The following EXOC6B variants were observed in gnomAD, a reference collection of about 807,000 sequenced individuals.
EXOC6B encodes the protein exocyst complex component 6B.
Under a neutral mutation model 113.5 loss-of-function variants are expected in EXOC6B, and 54 were observed. The ratio of observed to expected loss-of-function variants is 0.48; its 90% CI spans 0.38 to 0.60. EXOC6B has a LOEUF of 0.60. Ranked by LOEUF, EXOC6B falls within the 20% of genes least tolerant of loss-of-function variation. The probability of loss-of-function intolerance (pLI) is 0.00; values close to 1 mark genes in which losing one functional copy is unlikely to be tolerated. For missense variants in EXOC6B, 797 were observed against 977.5 expected (o/e 0.82, Z 2.46); for synonymous variants, 357 against 339.0 (o/e 1.05, Z -0.58).
intron 20 of EXOC6B, among the ~76,000 whole-genome samples, chr2:72,212,239 A>G (rs1680241566): frequency 6.6e-6 from 1 of 152,126 alleles, no homozygotes; most frequent in Admixed American, 6.5e-5. Context: ...AAAGGGTGTA[A>G]TGGTATCCAC....
intron 8 of EXOC6B, among the ~76,000 whole-genome samples, chr2:72,545,086 T>C (rs1702819770): frequency 6.6e-6 from 1 of 152,104 alleles, no homozygotes; most frequent in Non-Finnish European, 1.5e-5. Context: ...ATAAAATTAA[T>C]TTTTAAAATT....
At chr2:72,667,867 A>C (rs1418020766) in intron 6 of EXOC6B, among the ~76,000 whole-genome samples, 2 of 152,248 alleles carry the variant, frequency 1.3e-5, no homozygotes, top group Non-Finnish European at 1.5e-5. Context: ...ATAAAAATTG[A>C]CAAGTGTGAC....
intron 19 of EXOC6B, among the ~76,000 whole-genome samples, chr2:72,378,903 T>G (rs1050294307): frequency 6.6e-6 from 1 of 152,366 alleles, no homozygotes; most frequent in Admixed American, 6.5e-5. Context: ...GAGTCAACTA[T>G]GCCAATAATG....
chr2:72,377,005 G>C (rs1422615070), intron 19 of EXOC6B, among the ~76,000 whole-genome samples: 1 of 151,818 alleles, frequency 6.6e-6, no homozygotes, highest in African/African-American at 2.4e-5. Flanking sequence ...AAACTAAACA[G>C]CAAGAAAAAT....
At chr2:72,334,879 T>A in intron 20 of EXOC6B, 68 bp downstream of exon 20, 2 of 1,488,056 alleles carry the variant, frequency 1.3e-6, no homozygotes, top group Non-Finnish European at 1.9e-6. Flanking sequence ...CCCCTTTTCC[T>A]TAAGACCTGA....
At chr2:72,219,674 C>T (rs929111959) in intron 20 of EXOC6B, among the ~76,000 whole-genome samples, 1 of 152,130 alleles carries the variant, frequency 6.6e-6, no homozygotes, top group African/African-American at 2.4e-5. Flanking sequence ...TTTCTCTTTT[C>T]ATTTTTTTCT....
intron 6 of EXOC6B, among the ~76,000 whole-genome samples, chr2:72,652,843 A>G (rs1175594071): frequency 6.7e-6 from 1 of 149,134 alleles, no homozygotes; most frequent in Non-Finnish European, 1.5e-5. Flanking sequence ...ATATAATCAC[A>G]AAGAAAAAAG....
chr2:72,763,506 C>A (rs565436408), intron 1 of EXOC6B, among the ~76,000 whole-genome samples: 2 of 151,542 alleles, frequency 1.3e-5, no homozygotes, highest in Non-Finnish European at 2.9e-5. Context: ...TGGCTCACTG[C>A]ACACCTCCCA....
intron 1 of EXOC6B, among the ~76,000 whole-genome samples, chr2:72,780,865 T>C (rs944563082): frequency 1.3e-5 from 2 of 152,316 alleles, no homozygotes; most frequent in Admixed American, 6.5e-5. Context: ...GAGGTTGCTA[T>C]TAAGCATTAA....
chr2:72,719,287 T>C (rs1195395861), intron 5 of EXOC6B, among the ~76,000 whole-genome samples: 1 of 152,126 alleles, frequency 6.6e-6, no homozygotes, highest in Non-Finnish European at 1.5e-5. Flanking sequence ...TAAAAATAAA[T>C]AAATAAATTA....
intron 11 of EXOC6B, among the ~76,000 whole-genome samples, chr2:72,507,873 G>C (rs1217478378): frequency 6.6e-6 from 1 of 151,154 alleles, no homozygotes; most frequent in Non-Finnish European, 1.5e-5. Flanking sequence ...CTGAAGAAGA[G>C]AGGGTGCATT....
chr2:72,444,442 C>T (rs1208460308), intron 18 of EXOC6B, among the ~76,000 whole-genome samples: 1 of 152,214 alleles, frequency 6.6e-6, no homozygotes, highest in East Asian at 1.9e-4. Context: ...CCTCTCACAG[C>T]TCCACTAGGT....
intron 6 of EXOC6B, among the ~76,000 whole-genome samples, chr2:72,636,503 G>A: frequency 7.1e-6 from 1 of 140,492 alleles, no homozygotes; most frequent in Admixed American, 6.8e-5. Context: ...GGAGGAGGAG[G>A]AGGAGAGAAA....
intron 20 of EXOC6B, among the ~76,000 whole-genome samples, chr2:72,293,980 G>A (rs1466060345): frequency 6.6e-6 from 1 of 151,618 alleles, no homozygotes. Context: ...AGAAACCAGA[G>A]GAAATTAAAA....
At chr2:72,239,027 C>T (rs1193707433) in intron 20 of EXOC6B, among the ~76,000 whole-genome samples, 1 of 152,048 alleles carries the variant, frequency 6.6e-6, no homozygotes, top group Non-Finnish European at 1.5e-5. Context: ...GCCTCCTGGG[C>T]AGCTGGGACT....
rs532731001 is a variant in EXOC6B at position 72,377,142 on chromosome 2, A to G, written c.2122+2587T>C. Among the ~76,000 whole-genome samples the G allele has an allele frequency of 2.0e-5, 3 of 152,326 alleles. No homozygotes were observed. The East Asian group carries it at 5.8e-4, about 29-fold the overall frequency. ...TATCAGGGAAAGGCAAATTAAAACC[A>G]TAATGACACATCAATTCATACCTAA... On this transcript the variant is annotated intron_variant, in intron 19 of 21. Coordinates refer to ENST00000272427, the MANE Select transcript of EXOC6B (RefSeq NM_015189.3).
chr2:72,558,916 C>A (rs1275621381), intron 8 of EXOC6B, among the ~76,000 whole-genome samples: 1 of 152,134 alleles, frequency 6.6e-6, no homozygotes, highest in East Asian at 1.9e-4. Context: ...GCTTCTCTCA[C>A]CAATTTGTCT....
chr2:72,333,167 G>C (rs569582652), intron 20 of EXOC6B, among the ~76,000 whole-genome samples: 1 of 152,188 alleles, frequency 6.6e-6, no homozygotes, highest in East Asian at 1.9e-4. Flanking sequence ...AAGCAACTCT[G>C]GGAAGAGAAA....
At chr2:72,625,195 C>T (rs979636305) in intron 6 of EXOC6B, among the ~76,000 whole-genome samples, 1 of 151,474 alleles carries the variant, frequency 6.6e-6, no homozygotes, top group Middle Eastern at 3.4e-3. Context: ...GGATTACAGG[C>T]ATGAGCCACC....
Sources: gnomAD v4.1 joint callset for allele counts (sites outside exome capture counted in the v4.1 genomes callset) on GRCh38, gnomAD v4.1.1 for gene constraint, MANE v1.5 for transcripts, NCBI Gene and HGNC (gene_info 2026-07-23, HGNC 2026-07-21) for gene names.